ATP6V0D1: variants seen among roughly 807,000 people sequenced by gnomAD.
The protein encoded by ATP6V0D1 is ATPase H+ transporting V0 subunit d1.
ATP6V0D1 carries 13 observed loss-of-function variants against 39.0 expected under a neutral mutation model. That is an observed-to-expected ratio of 0.33 (90% CI 0.22 to 0.53). The LOEUF (loss-of-function observed/expected upper bound fraction) is 0.53, where lower values mean the gene tolerates loss of function less well. ATP6V0D1 is among the 20% of genes least tolerant of loss of function. ATP6V0D1 has a pLI of 0.94. For synonymous variants in ATP6V0D1, 191 were observed against 191.2 expected (o/e 1.00, Z 0.01); for missense variants, 272 against 470.9 (o/e 0.58, Z 3.91).
intron 1 of ATP6V0D1, chr16:67,455,217 G>A (rs2041226106): frequency 6.6e-6 from 1 of 152,212 alleles, no homozygotes; most frequent in Non-Finnish European, 1.5e-5. Flanking sequence ...GGCCTCCCCA[G>A]ATGTCTTTGA....
chr16:67,469,482 C>T (rs1025832802), intron 1 of ATP6V0D1, among the ~76,000 whole-genome samples: 2 of 152,186 alleles, frequency 1.3e-5, no homozygotes, highest in Admixed American at 6.5e-5. Context: ...TGGACAGGGG[C>T]CCTGCAGCTC....
At chr16:67,458,054 G>A (rs897567620) in intron 1 of ATP6V0D1, among the ~76,000 whole-genome samples, 18 of 152,208 alleles carry the variant, frequency 1.2e-4, no homozygotes, top group African/African-American at 2.9e-4. Flanking sequence ...TGCCAGCCAA[G>A]AAGGCGACTT....
At chr16:67,479,965 C>G (rs987005399) in intron 1 of ATP6V0D1, among the ~76,000 whole-genome samples, 2 of 108,526 alleles carry the variant, frequency 1.8e-5, no homozygotes, top group South Asian at 4.8e-4. Flanking sequence ...TTTGGGAGGC[C>G]GAGGCGGGCG....
At chr16:67,476,091 G>T (rs766436784) in intron 1 of ATP6V0D1, among the ~76,000 whole-genome samples, 3 of 152,144 alleles carry the variant, frequency 2.0e-5, no homozygotes, top group Admixed American at 6.5e-5. Flanking sequence ...GCGTGGTAGC[G>T]TAGGCCTGTA....
chr16:67,466,326 TACACACACACACACACACACAC>T (rs536624557), intron 1 of ATP6V0D1, among the ~76,000 whole-genome samples: 74 of 120,582 alleles, frequency 6.1e-4, no homozygotes, highest in African/African-American at 7.6e-4. Context: ...AGTAAACACA[TACACACACACACACACACACAC>T]ACACACACAC....
rs1489856998 is a variant in ATP6V0D1, at chr16:67,439,086, T to C, written c.701A>G (p.Lys234Arg). The C allele has an allele frequency of 1.2e-6, 2 of 1,614,230 alleles. No individual in the cohort carries two copies. The highest frequency in any genetic ancestry group is 1.1e-5 in the South Asian group (1 of 91,088). Residue 234 changes from lysine to arginine, a missense_variant, in exon 6 of 8, where the codon AAA (lysine) becomes AGA (arginine). Coordinates refer to ENST00000290949, the MANE Select transcript of ATP6V0D1 (RefSeq NM_004691.5). ...TINSFGTELSKEDRAKLFPHC... is the reference protein window; with the variant it reads ...TINSFGTELSREDRAKLFPHC... Reference sequence around the variant, plus strand: ...TGGAAAGAGCTTGGCACGGTCCTCTTTGGACAGCTCTGTGCCGAAAGAATT... The same window carrying C: ...TGGAAAGAGCTTGGCACGGTCCTCTCTGGACAGCTCTGTGCCGAAAGAATT...
Position 67,481,078 on chromosome 16 carries a change from GAAC to G in ATP6V0D1, c.6_8del (p.Phe4del). On this transcript the variant is annotated inframe_deletion, in exon 1 of 8. Transcript: ENST00000290949. The stretch of plus-strand genomic sequence containing the variant: ...CCACGTTAAAGTAAAGCTCCGGGAA[GAAC>G]GACATGGCTGCTGCGGGAGCGGCGG... The G allele has an allele frequency of 1.2e-6, 2 of 1,614,126 alleles. No homozygotes were observed. The highest frequency in any genetic ancestry group is 1.7e-6 in the Non-Finnish European group (2 of 1,179,950).
At chr16:67,442,124 C>A (rs2041059734) in intron 4 of ATP6V0D1, among the ~76,000 whole-genome samples, 1 of 152,274 alleles carries the variant, frequency 6.6e-6, no homozygotes, top group Admixed American at 6.5e-5. Context: ...ACCACTGCAA[C>A]CTCCAGGCAG....
At chr16:67,445,314 G>T (rs1031119827) in intron 2 of ATP6V0D1, among the ~76,000 whole-genome samples, 1 of 152,200 alleles carries the variant, frequency 6.6e-6, no homozygotes, top group African/African-American at 2.4e-5. Flanking sequence ...GGATCTATGA[G>T]CAGGGTGTAA....
chr16:67,454,138 G>A (rs1020241511), intron 1 of ATP6V0D1, among the ~76,000 whole-genome samples: 3 of 152,298 alleles, frequency 2.0e-5, no homozygotes, highest in Admixed American at 1.3e-4. Flanking sequence ...AACACACCCC[G>A]AGGCACATGA....
chr16:67,453,731 AG>A lies in ATP6V0D1; in HGVS notation c.131-17del. 6.2e-7 allele frequency: 1 copy of A among 1,612,522 alleles called. No individual in the cohort carries two copies. Among genetic ancestry groups the A allele is most frequent in the South Asian group, 1.1e-5 (1 of 91,024 alleles). ...AGTTTCAAGTCTGAAACCCAAGGGTAGGGGGTAAGGGCTAGCCTTGCTGGGC... is the reference window on the plus strand; with the variant it reads ...AGTTTCAAGTCTGAAACCCAAGGGTAGGGGTAAGGGCTAGCCTTGCTGGGC... On this transcript the variant is annotated splice_polypyrimidine_tract_variant and intron_variant, in intron 1 of 7. Transcript: ENST00000290949. This position sits in a 1 kb window ranked among gnomAD's most constrained non-coding sequence, Gnocchi z 4.1.
chr16:67,446,767 G>A (rs1477685178), intron 2 of ATP6V0D1, among the ~76,000 whole-genome samples: 1 of 152,016 alleles, frequency 6.6e-6, no homozygotes, highest in Non-Finnish European at 1.5e-5. Context: ...CAAATCCCCT[G>A]CCCCCAAGCA....
rs909527419 is a variant in ATP6V0D1, at chr16:67,438,461, G to A, written c.*67C>T. On this transcript the variant is annotated 3_prime_UTR_variant, in exon 8 of 8. Coordinates refer to ENST00000290949, the MANE Select transcript of ATP6V0D1 (RefSeq NM_004691.5). ...TGTCACAGACCACATACACACACAC[G>A]CACACACACGCGCACACACACACAC... 55 of 1,536,460 alleles carry A rather than the reference G, an allele frequency of 3.6e-5. No individual in the cohort carries two copies. Among genetic ancestry groups the A allele is most frequent in the Admixed American group, 3.4e-4 (18 of 53,602 alleles).
chr16:67,463,975 T>C (rs1320687564), intron 1 of ATP6V0D1, among the ~76,000 whole-genome samples: 2 of 152,176 alleles, frequency 1.3e-5, no homozygotes, highest in East Asian at 3.9e-4. Flanking sequence ...CCTGGGCAGA[T>C]ACCGAAGGGT....
At chr16:67,464,577 C>T (rs1231903749) in intron 1 of ATP6V0D1, among the ~76,000 whole-genome samples, 2 of 152,180 alleles carry the variant, frequency 1.3e-5, no homozygotes, top group African/African-American at 4.8e-5. Context: ...GCCTGGATAC[C>T]CATGGAACAG....
chr16:67,463,151 G>A (rs1443917212), intron 1 of ATP6V0D1, among the ~76,000 whole-genome samples: 1 of 152,238 alleles, frequency 6.6e-6, no homozygotes, highest in East Asian at 1.9e-4. Flanking sequence ...CCTAGGCCCT[G>A]TGTTTGGGCT....
intron 1 of ATP6V0D1, among the ~76,000 whole-genome samples, chr16:67,471,909 TG>T: frequency 6.6e-6 from 1 of 152,250 alleles, no homozygotes; most frequent in East Asian, 1.9e-4. Context: ...CCTCAGTGGC[TG>T]AGATTACAGG....
intron 2 of ATP6V0D1, among the ~76,000 whole-genome samples, chr16:67,452,812 G>A (rs941130445): frequency 6.6e-6 from 1 of 152,136 alleles, no homozygotes; most frequent in African/African-American, 2.4e-5. Context: ...TGCCCTCCCC[G>A]AGCCTGCAGA....
intron 2 of ATP6V0D1, among the ~76,000 whole-genome samples, chr16:67,446,334 G>A (rs990228777): frequency 1.3e-5 from 2 of 152,148 alleles, no homozygotes; most frequent in African/African-American, 2.4e-5. Flanking sequence ...GGCGCCCTGC[G>A]AAGACCTTTG....
Sources: allele counts gnomAD v4.1 joint callset (sites outside exome capture counted in the v4.1 genomes callset), GRCh38; gene constraint gnomAD v4.1.1; non-coding constraint Gnocchi (gnomAD v3.1); transcripts MANE v1.5; gene names NCBI Gene and HGNC (gene_info 2026-07-23, HGNC 2026-07-21).